Variants in MSI2 observed in about 807,000 individuals in gnomAD.
MSI2 encodes musashi RNA binding protein 2.
A neutral mutation model predicts 45.6 loss-of-function variants in MSI2; 17 were observed. The observed-to-expected ratio is 0.37, with a 90% CI of 0.26 to 0.56. MSI2 has a LOEUF of 0.56. Ranked by LOEUF, MSI2 falls within the 20% of genes least tolerant of loss-of-function variation. MSI2 has a pLI of 0.77. For missense variants in MSI2, 293 were observed against 444.2 expected (o/e 0.66, Z 3.06); for synonymous variants, 156 against 158.2 (o/e 0.99, Z 0.11).
chr17:57,666,595 A>G (rs1912383891), intron 11 of MSI2, among the ~76,000 whole-genome samples: 1 of 152,234 alleles, frequency 6.6e-6, no homozygotes, highest in Admixed American at 6.5e-5. Flanking sequence ...AGAAGACTAC[A>G]TTAGGCTGCC....
At position 57,681,515 on chromosome 17, in the gene MSI2, C is replaced by T. The variant is rs1354866535; in HGVS notation, c.*1998C>T. 5.5e-6 allele frequency: 1 copy of T among 182,064 alleles called. No individual in the cohort carries two copies. The highest frequency in any genetic ancestry group is 2.4e-5 in the African/African-American group (1 of 42,436). 11.3% of individuals were successfully genotyped at this position (182,064 alleles called of 1,614,324 possible). On this transcript the variant is annotated 3_prime_UTR_variant, in exon 14 of 14. Coordinates refer to ENST00000284073, the MANE Select transcript of MSI2 (RefSeq NM_138962.4). ...TACTAACAAAGTAGACTAATGTAGA[C>T]ATTCACAGACATGGTAGGGCAAAAG...
Position 57,521,164 on chromosome 17 carries a change from C to A in MSI2, c.406-8512C>A, listed in dbSNP as rs114013707. ...ATCACTGCAGTCTTCCAGGGGTAAACACACAGGGACAGAAAGGCTGGCTGT... is the reference window on the plus strand; with the variant it reads ...ATCACTGCAGTCTTCCAGGGGTAAAAACACAGGGACAGAAAGGCTGGCTGT... On this transcript the variant is annotated intron_variant, in intron 6 of 13. Transcript: ENST00000284073. Among the ~76,000 whole-genome samples, 624 of 152,260 alleles carry A rather than the reference C, an allele frequency of 4.1e-3. 6 individuals are homozygous for A. Among genetic ancestry groups the A allele is most frequent in the African/African-American group, 0.014 (577 of 41,538 alleles).
chr17:57,300,130 G>A (rs1911308826), intron 5 of MSI2, among the ~76,000 whole-genome samples: 1 of 152,100 alleles, frequency 6.6e-6, no homozygotes, highest in African/African-American at 2.4e-5. Flanking sequence ...AACTCCATAG[G>A]CACTCCTTGC....
At chr17:57,604,292 T>C (rs145102384) in intron 8 of MSI2, among the ~76,000 whole-genome samples, 88 of 152,344 alleles carry the variant, frequency 5.8e-4, no homozygotes, top group African/African-American at 2.0e-3. Flanking sequence ...ATCAGAGTGA[T>C]AGATTTTTTC....
intron 6 of MSI2, among the ~76,000 whole-genome samples, chr17:57,486,914 G>A (rs1392110325): frequency 6.6e-6 from 1 of 152,216 alleles, no homozygotes; most frequent in Non-Finnish European, 1.5e-5. Flanking sequence ...AGTCTAGTGG[G>A]TGAGAGAGTG....
At chr17:57,261,883 A>G (rs1184180732) in intron 4 of MSI2, among the ~76,000 whole-genome samples, 1 of 152,246 alleles carries the variant, frequency 6.6e-6, no homozygotes, top group African/African-American at 2.4e-5. Flanking sequence ...AATAAGAATT[A>G]CATGAGATCT....
At chr17:57,631,728 C>A in intron 10 of MSI2, 1 of 1,374,520 alleles carries the variant, frequency 7.3e-7, no homozygotes, top group Non-Finnish European at 1.0e-6. Flanking sequence ...CCTCTCTTTT[C>A]CCCACTCTGG....
intron 6 of MSI2, among the ~76,000 whole-genome samples, chr17:57,520,840 T>A (rs1354505090): frequency 6.6e-6 from 1 of 151,902 alleles, no homozygotes; most frequent in South Asian, 2.1e-4. Context: ...TTTTCTTGTA[T>A]TTTTAGTAGA....
Position 57,471,919 on chromosome 17 carries a change from C to T in MSI2, c.406-57757C>T, listed in dbSNP as rs2085445177. On this transcript the variant is annotated intron_variant, in intron 6 of 13. Transcript: ENST00000284073. Reference sequence around the variant, plus strand: ...GGGAAGAGAGGGGAAATGTCTTCAGCTACAAAATGCCTGGCTCCTTTCTCA... The same window carrying T: ...GGGAAGAGAGGGGAAATGTCTTCAGTTACAAAATGCCTGGCTCCTTTCTCA... Among the ~76,000 whole-genome samples, 3 of 152,110 alleles carry T rather than the reference C, an allele frequency of 2.0e-5. No homozygotes were observed. The South Asian group carries it at 6.2e-4, about 32-fold the overall frequency.
chr17:57,319,948 C>T (rs1598114677), intron 5 of MSI2, among the ~76,000 whole-genome samples: 1 of 152,036 alleles, frequency 6.6e-6, no homozygotes, highest in Non-Finnish European at 1.5e-5. Flanking sequence ...TAAAGTGGAG[C>T]GAGAGGGGCG....
At chr17:57,563,809 G>C (rs1421145187) in intron 7 of MSI2, among the ~76,000 whole-genome samples, 1 of 149,204 alleles carries the variant, frequency 6.7e-6, no homozygotes, top group Non-Finnish European at 1.5e-5. Context: ...GATGGACCCT[G>C]CTTCCAAAAT....
intron 10 of MSI2, chr17:57,631,562 G>A (rs1909373987): frequency 1.9e-6 from 1 of 530,402 alleles, no homozygotes. Context: ...AGTTTTTAGA[G>A]TGGGGAGTAG....
chr17:57,583,041 T>C (rs1021900757), intron 7 of MSI2, among the ~76,000 whole-genome samples: 5 of 152,234 alleles, frequency 3.3e-5, no homozygotes, highest in South Asian at 2.1e-4. Flanking sequence ...TCCCATCTGA[T>C]CAAGATATGT....
chr17:57,396,434 C>CACACAT (rs779809500), intron 5 of MSI2, among the ~76,000 whole-genome samples: 63 of 151,574 alleles, frequency 4.2e-4, no homozygotes, highest in South Asian at 6.3e-4. Context: ...CACACACACA[C>CACACAT]ATCCCATTTG....
chr17:57,351,810 G>A (rs1484210567), intron 5 of MSI2, among the ~76,000 whole-genome samples: 2 of 152,208 alleles, frequency 1.3e-5, no homozygotes, highest in Non-Finnish European at 2.9e-5. Context: ...AGCCGAGATC[G>A]TGCCACTGCA....
intron 6 of MSI2, among the ~76,000 whole-genome samples, chr17:57,478,127 G>C (rs1166277404): frequency 6.6e-6 from 1 of 152,148 alleles, no homozygotes; most frequent in Non-Finnish European, 1.5e-5. Context: ...CTTAGCAGAC[G>C]GTATGCCACA....
In MSI2 at chr17:57,615,952, C is replaced by G. The variant is rs201709634; in HGVS notation, c.538-18C>G. On this transcript the variant is annotated intron_variant, in intron 8 of 13. Coordinates refer to ENST00000284073, the MANE Select transcript of MSI2 (RefSeq NM_138962.4). ...GGAATTCATTTGCATCTCATTTGTTCGCCTTTCTGTTTAACAGGTAGAATG... is the reference window on the plus strand; with the variant it reads ...GGAATTCATTTGCATCTCATTTGTTGGCCTTTCTGTTTAACAGGTAGAATG... 6.3e-7 allele frequency: 1 copy of G among 1,576,156 alleles called. No homozygotes were observed. Among genetic ancestry groups the G allele is most frequent in the African/African-American group, 1.4e-5 (1 of 74,072 alleles).
At chr17:57,699,182 A>AGAGAGAGAGAGT in the MSI2 span, among the ~76,000 whole-genome samples, 8 of 25,086 alleles carry the variant, frequency 3.2e-4, no homozygotes, top group Admixed American at 4.6e-4. Flanking sequence ...AGAGAGAGAG[A>AGAGAGAGAGAGT]GTGTGTGTGT....
chr17:57,502,798 C>G (rs1426991328), intron 6 of MSI2, among the ~76,000 whole-genome samples: 1 of 151,648 alleles, frequency 6.6e-6, no homozygotes, highest in East Asian at 1.9e-4. Context: ...TTCCCCAGCA[C>G]CATTACATAC....
Sources: allele counts gnomAD v4.1 joint callset (sites outside exome capture counted in the v4.1 genomes callset), GRCh38; gene constraint gnomAD v4.1.1; transcripts MANE v1.5; gene names NCBI Gene and HGNC (gene_info 2026-07-23, HGNC 2026-07-21).